MED24: variants seen among roughly 807,000 people sequenced by gnomAD.
The protein encoded by MED24 is mediator complex subunit 24.
In MED24, 74 loss-of-function variants were observed where a neutral mutation model predicts 118.8. The observed-to-expected ratio is 0.62, with a 90% CI of 0.52 to 0.76. The LOEUF (loss-of-function observed/expected upper bound fraction) is 0.76. Ranked by LOEUF, MED24 falls within the 30% of genes least tolerant of loss-of-function variation. The probability of loss-of-function intolerance (pLI) is 0.00; values close to 1 mark genes in which losing one functional copy is unlikely to be tolerated. For missense variants in MED24, 1,041 were observed against 1,278.9 expected, an observed-to-expected ratio of 0.81 and a Z score of 2.84; for synonymous variants, 521 against 523.9, an observed-to-expected ratio of 0.99 and a Z score of 0.08.
chr17:40,046,671 G>C (rs1009982627), intron 3 of MED24, among the ~76,000 whole-genome samples: 5 of 150,978 alleles, frequency 3.3e-5, no homozygotes, highest in South Asian at 4.2e-4. Flanking sequence ...GCGTGAACCC[G>C]GGAGGCGGAG....
At chr17:40,045,967 T>C (rs1346710784) in intron 3 of MED24, among the ~76,000 whole-genome samples, 1 of 150,586 alleles carries the variant, frequency 6.6e-6, no homozygotes, top group South Asian at 2.1e-4. Context: ...TTAGTAGAGA[T>C]GGGGTTTCAC....
chr17:40,021,618 G>A (rs942763997), intron 23 of MED24, among the ~76,000 whole-genome samples: 3 of 152,342 alleles, frequency 2.0e-5, no homozygotes, highest in African/African-American at 7.2e-5. Flanking sequence ...TGAGTCAATG[G>A]CACAGGCTGT....
Position 40,033,771 on chromosome 17 carries a change from G to C in MED24, c.560-315C>G. ...GGCAGAGGGAGGCCAGAATCCAGTGGCTGGAACAGGGAGGGCGGCCACAAA... is the reference window on the plus strand; with the variant it reads ...GGCAGAGGGAGGCCAGAATCCAGTGCCTGGAACAGGGAGGGCGGCCACAAA... On this transcript the variant is annotated intron_variant, in intron 6 of 25. Transcript: ENST00000394128. This position sits in a 1 kb window ranked among gnomAD's most constrained non-coding sequence, Gnocchi z 5.2. The C allele has an allele frequency of 1.9e-6, 1 of 524,106 alleles. No homozygotes were observed. Among genetic ancestry groups the C allele is most frequent in the Non-Finnish European group, 3.7e-6 (1 of 271,796 alleles). The allele number at this position is 524,106 out of a possible 1,614,324, so 32.5% of individuals were successfully genotyped here. A position where few individuals can be genotyped will look rare whatever the true frequency, so the allele number is the denominator to read the frequency against.
At chr17:40,035,592 T>C (rs1983841218) in intron 5 of MED24, 130 bp downstream of exon 5, 1 of 1,008,092 alleles carries the variant, frequency 9.9e-7, no homozygotes, top group Non-Finnish European at 1.5e-6. Flanking sequence ...CAGGTAAGTG[T>C]AGATGGGCAG....
At chr17:40,048,718 T>A (rs1397292486) in intron 3 of MED24, among the ~76,000 whole-genome samples, 1 of 152,052 alleles carries the variant, frequency 6.6e-6, no homozygotes, top group African/African-American at 2.4e-5. Context: ...CACACCCGGC[T>A]AATTTTTTGT....
At chr17:40,032,965 C>G in intron 8 of MED24, 91 bp downstream of exon 8, 1 of 1,541,808 alleles carries the variant, frequency 6.5e-7, no homozygotes, top group Admixed American at 1.8e-5. Context: ...AGAAACCCCA[C>G]TTCTCCCAGG....
chr17:40,028,189 C>A, intron 14 of MED24: 1 of 435,846 alleles, frequency 2.3e-6, no homozygotes, highest in South Asian at 2.3e-5. Flanking sequence ...AATCTCAGCT[C>A]ACTGCAACCT....
chr17:40,047,133 G>T (rs979760986), intron 3 of MED24, among the ~76,000 whole-genome samples: 3 of 151,902 alleles, frequency 2.0e-5, no homozygotes, highest in Admixed American at 6.6e-5. Flanking sequence ...TAAATAAAAA[G>T]AATGTACTAT....
In MED24 at chr17:40,023,345, T is replaced by C; in HGVS notation, c.2036A>G (p.Gln679Arg). ...ILERMCADVL[Q>R]QTATQIKFPS... is the part of the protein sequence containing the mutation. The stretch of plus-strand genomic sequence containing the variant: ...AAACTTGATCTGCGTGGCTGTCTGC[T>C]GCAGCACGTCGGCACACATGCGCTC... Residue 679 changes from glutamine to arginine, a missense_variant, in exon 20 of 26, where the codon CAG becomes CGG. Physicochemically the swap from Gln to Arg is conservative, Grantham distance 43. Around this residue, in one of 3 missense-constraint regions of MED24, gnomAD observed 587 missense variants for 694.4 expected, o/e 0.85. Coordinates refer to ENST00000394128, the MANE Select transcript of MED24 (RefSeq NM_014815.4). The C allele has an allele frequency of 1.9e-6, 3 of 1,613,034 alleles. No individual in the cohort carries two copies. The highest frequency in any genetic ancestry group is 2.5e-6 in the Non-Finnish European group (3 of 1,179,328).
Position 40,035,295 on chromosome 17 carries a change from G to A in MED24, c.381C>T (p.Ala127=), listed in dbSNP as rs1457550281. 6.2e-7 allele frequency: 1 copy of A among 1,611,902 alleles called. No homozygotes were observed. The highest frequency in any genetic ancestry group is 8.5e-7 in the Non-Finnish European group (1 of 1,178,292). Residue 127 remains alanine, a synonymous_variant, in exon 6 of 26, where the codon GCC becomes GCT. Transcript: ENST00000394128. ...CIGLCRALLS[A]LHWLLRCTAA... ...CCGTGCAGCGCAGCAGCCAGTGGAG[G>A]GCGCTAAGAAGGGCTCGGCACAGTC...
In MED24 at chr17:40,022,748, G is replaced by T; in HGVS notation, c.2329C>A (p.Gln777Lys). Reference protein sequence around the residue: ...LLYSIFCLDMQQVTLVLLGHI... With the variant: ...LLYSIFCLDMKQVTLVLLGHI... ...CCCAGCAGGACCAGGGTCACTTGCT[G>T]CATGTCCAGGCAGAAGATGGAGTAG... Residue 777 changes from glutamine (Q) to lysine (K), a missense_variant, in exon 21 of 26, where the codon CAG becomes AAG. Transcript: ENST00000394128. The T allele has an allele frequency of 6.2e-7, 1 of 1,613,956 alleles. No individual in the cohort carries two copies. Among genetic ancestry groups the T allele is most frequent in the South Asian group, 1.1e-5 (1 of 91,066 alleles).
chr17:40,053,204 G>C, intron 3 of MED24, 94 bp downstream of exon 3: 1 of 1,193,704 alleles, frequency 8.4e-7, no homozygotes, highest in South Asian at 1.5e-5. Flanking sequence ...CACAATGCTG[G>C]GATTACAGCC....
At chr17:40,035,671 A>G (rs6503534) in intron 5 of MED24, 51 bp downstream of exon 5, 344,359 of 1,585,078 alleles carry the variant, frequency 0.22, 40,279 homozygotes, top group African/African-American at 0.45. Flanking sequence ...ACCTCTGCAC[A>G]AAGACAAGGC....
intron 3 of MED24, among the ~76,000 whole-genome samples, chr17:40,038,419 A>G (rs1984190460): frequency 6.6e-6 from 1 of 152,082 alleles, no homozygotes; most frequent in Non-Finnish European, 1.5e-5. Context: ...AAGATTTAAG[A>G]AGAAAGCTGT....
At chr17:40,042,920 T>TA (rs1196149573) in intron 3 of MED24, among the ~76,000 whole-genome samples, 1 of 152,112 alleles carries the variant, frequency 6.6e-6, no homozygotes, top group Non-Finnish European at 1.5e-5. Context: ...TGGCAGAAAT[T>TA]AGAGAATATA....
At chr17:40,036,245 C>G in intron 3 of MED24, 91 bp from the exon 4 acceptor site, 1 of 1,342,456 alleles carries the variant, frequency 7.4e-7, no homozygotes, top group Non-Finnish European at 1.1e-6. Flanking sequence ...CTGCAGCTCT[C>G]CTGAACCTCA....
chr17:40,027,852 C>T, intron 15 of MED24, 57 bp downstream of exon 15: 1 of 1,580,426 alleles, frequency 6.3e-7, no homozygotes, highest in Non-Finnish European at 8.7e-7. Flanking sequence ...CCCACACTCT[C>T]CCGCCACACC....
chr17:40,041,696 C>G (rs1450416391), intron 3 of MED24, among the ~76,000 whole-genome samples: 10 of 152,180 alleles, frequency 6.6e-5, no homozygotes, highest in Admixed American at 6.6e-4. Context: ...AACCAGAAAC[C>G]TAAGCGTTAT....
intron 1 of MED24, 22 bp downstream of exon 1, chr17:40,054,339 A>G (rs2145017381): frequency 6.7e-6 from 1 of 149,550 alleles, no homozygotes; most frequent in East Asian, 1.9e-4. Flanking sequence ...TTCATCCACC[A>G]CCTCCCCAAA....
Sources: allele counts gnomAD v4.1 joint callset (sites outside exome capture counted in the v4.1 genomes callset), GRCh38; gene constraint gnomAD v4.1.1; regional missense constraint gnomAD v4.1.1; non-coding constraint Gnocchi (gnomAD v3.1); transcripts MANE v1.5; gene names NCBI Gene and HGNC (gene_info 2026-07-23, HGNC 2026-07-21).